Variants in PDIA6 observed in about 807,000 individuals in gnomAD.
PDIA6 encodes the protein protein disulfide-isomerase A6.
In PDIA6, 29 loss-of-function variants were observed where a neutral mutation model predicts 58.4. That is an observed-to-expected ratio of 0.50 (90% CI 0.37 to 0.68). The LOEUF is 0.68. PDIA6 is among the 30% of genes least tolerant of loss of function. The probability of loss-of-function intolerance (pLI) is 0.00; values close to 1 mark genes in which losing one functional copy is unlikely to be tolerated. For missense variants in PDIA6, 480 were observed against 551.0 expected (o/e 0.87, Z 1.29); for synonymous variants, 192 against 202.6 (o/e 0.95, Z 0.44).
intron 1 of PDIA6, chr2:10,821,157 A>C: frequency 3.5e-6 from 1 of 286,910 alleles, no homozygotes; most frequent in Non-Finnish European, 6.6e-6. Flanking sequence ...GCTGAAATCC[A>C]CCTCCTTCCT....
At chr2:10,837,625 A>T in exon 1 of PDIA6, 1 of 1,215,468 alleles carries the variant, frequency 8.2e-7, no homozygotes, top group Non-Finnish European at 1.2e-6. Flanking sequence ...AGAAAAGCCC[A>T]GGCACAGAAT....
chr2:10,830,278 A>C (rs1406203121), intron 1 of PDIA6, among the ~76,000 whole-genome samples: 1 of 152,220 alleles, frequency 6.6e-6, no homozygotes, highest in Non-Finnish European at 1.5e-5. Flanking sequence ...TGTTGGAATG[A>C]ATGAACGCAT....
At chr2:10,829,544 G>C (rs115192489) in intron 1 of PDIA6, among the ~76,000 whole-genome samples, 3,328 of 152,274 alleles carry the variant, frequency 0.022, 128 homozygotes, top group African/African-American at 0.076. Flanking sequence ...CACGGTGTTG[G>C]GGGGTGGAGA....
At chr2:10,786,315 G>A (rs1165814703) in intron 11 of PDIA6, among the ~76,000 whole-genome samples, 1 of 124,730 alleles carries the variant, frequency 8.0e-6, no homozygotes, top group Non-Finnish European at 1.6e-5. Context: ...TCTGTCTCGG[G>A]GGTGGGGGGG....
upstream of PDIA6, among the ~76,000 whole-genome samples, chr2:10,834,738 CCT>C (rs1667792164): frequency 6.9e-5 from 2 of 29,120 alleles, no homozygotes; most frequent in African/African-American, 1.1e-4. Context: ...TTCCCTCCTT[CCT>C]TCCTTCCTTC....
intron 1 of PDIA6, among the ~76,000 whole-genome samples, chr2:10,812,177 T>A (rs1253783349): frequency 6.6e-6 from 1 of 152,190 alleles, no homozygotes; most frequent in Non-Finnish European, 1.5e-5. Context: ...TCCAAAGTGC[T>A]GGGATTACAG....
chr2:10,835,231 A>G (rs951721904), upstream of PDIA6, among the ~76,000 whole-genome samples: 11 of 152,158 alleles, frequency 7.2e-5, no homozygotes, highest in African/African-American at 2.7e-4. Flanking sequence ...AGCCATCTGC[A>G]GGAAGTGCTG....
At chr2:10,798,438 C>A (rs992964543) in intron 2 of PDIA6, among the ~76,000 whole-genome samples, 1 of 151,954 alleles carries the variant, frequency 6.6e-6, no homozygotes, top group Non-Finnish European at 1.5e-5. Flanking sequence ...CATGGTGGCA[C>A]ACACCTGTAA....
upstream of PDIA6, chr2:10,815,500 A>C (rs907848460): frequency 2.6e-5 from 4 of 152,196 alleles, no homozygotes; most frequent in Non-Finnish European, 5.9e-5. Flanking sequence ...GCTTCCAGTA[A>C]AAGCTGGAAA....
At chr2:10,815,014 G>A (rs1667148740), upstream of PDIA6, among the ~76,000 whole-genome samples, 1 of 152,214 alleles carries the variant, frequency 6.6e-6, no homozygotes. Context: ...GGCTGCTCTG[G>A]ACCGTGGGCT....
At chr2:10,787,218 A>G (rs1179574351) in intron 11 of PDIA6, 63 bp downstream of exon 11, 1 of 1,452,278 alleles carries the variant, frequency 6.9e-7, no homozygotes, top group East Asian at 2.3e-5. Flanking sequence ...AGTTCCAAAT[A>G]TAAACCTACA....
At chr2:10,797,494 A>G (rs1043129735) in intron 3 of PDIA6, among the ~76,000 whole-genome samples, 1 of 152,252 alleles carries the variant, frequency 6.6e-6, no homozygotes, top group Non-Finnish European at 1.5e-5. Context: ...CAATGTAAAC[A>G]TTTAAATGTG....
chr2:10,815,315 C>T (rs1264563656), upstream of PDIA6, among the ~76,000 whole-genome samples: 1 of 152,166 alleles, frequency 6.6e-6, no homozygotes, highest in Non-Finnish European at 1.5e-5. Context: ...GTCACTGGCC[C>T]CAGGGAGCAC....
At chr2:10,822,404 AG>A in intron 1 of PDIA6, among the ~76,000 whole-genome samples, 1 of 152,118 alleles carries the variant, frequency 6.6e-6, no homozygotes, top group East Asian at 1.9e-4. Context: ...CTGAGACTAC[AG>A]GCGCCCGCCA....
intron 1 of PDIA6, among the ~76,000 whole-genome samples, chr2:10,830,192 G>A (rs1287010602): frequency 1.3e-5 from 2 of 152,250 alleles, no homozygotes; most frequent in Non-Finnish European, 2.9e-5. Context: ...CAGTGTGGGT[G>A]CGCAGCTTCA....
chr2:10,785,949 A>G (rs1189119009), intron 11 of PDIA6, among the ~76,000 whole-genome samples: 2 of 152,142 alleles, frequency 1.3e-5, no homozygotes, highest in African/African-American at 2.4e-5. Flanking sequence ...CCTGGCCTCA[A>G]GTGATCCGCC....
At chr2:10,811,298 G>A (rs1250392829) in intron 1 of PDIA6, among the ~76,000 whole-genome samples, 1 of 152,170 alleles carries the variant, frequency 6.6e-6, no homozygotes, top group Non-Finnish European at 1.5e-5. Context: ...GGGAGGTTGA[G>A]GAAGGAGGAT....
chr2:10,787,554 TAAAAAC>T, intron 10 of PDIA6, 115 bp from the exon 11 acceptor site: 2 of 991,604 alleles, frequency 2.0e-6, no homozygotes, highest in Non-Finnish European at 2.9e-6. Context: ...GAATGACAAA[TAAAAAC>T]AAAAGATGAG....
chr2:10,806,098 T>C (rs986759507), intron 1 of PDIA6, among the ~76,000 whole-genome samples: 2 of 150,282 alleles, frequency 1.3e-5, no homozygotes, highest in African/African-American at 2.4e-5. Flanking sequence ...CCAGGTGCTA[T>C]GGGTCATGCT....
Sources: gnomAD v4.1 joint callset for allele counts (sites outside exome capture counted in the v4.1 genomes callset) on GRCh38, gnomAD v4.1.1 for gene constraint, MANE v1.5 for transcripts, NCBI Gene and HGNC (gene_info 2026-07-23, HGNC 2026-07-21) for gene names.